Variants in CLMN observed in about 807,000 individuals in gnomAD.
CLMN encodes the protein calmin (calponin-like, transmembrane).
In CLMN, 57 loss-of-function variants were observed where a neutral mutation model predicts 92.7. That is an observed-to-expected ratio of 0.61 (90% CI 0.50 to 0.77). The LOEUF (loss-of-function observed/expected upper bound fraction) is 0.77, where lower values mean the gene tolerates loss of function less well. CLMN is among the 30% of genes least tolerant of loss of function. CLMN has a pLI of 0.00. For missense variants in CLMN, 1,158 were observed against 1,237.5 expected (o/e 0.94, Z 0.96); for synonymous variants, 466 against 470.6 (o/e 0.99, Z 0.13).
intron 8 of CLMN, among the ~76,000 whole-genome samples, chr14:95,204,804 G>A (rs1404702898): frequency 1.3e-5 from 2 of 152,202 alleles, no homozygotes; most frequent in Non-Finnish European, 2.9e-5. Context: ...GAGATTGTCA[G>A]CCCCTTCATG....
In CLMN at chr14:95,241,514, C is replaced by T. The variant is rs141155807; in HGVS notation, c.83-11381G>A. 2.6e-5 allele frequency among the ~76,000 whole-genome samples: 4 copies of T among 152,326 alleles called. No individual in the cohort carries two copies. The East Asian group carries it at 7.7e-4, about 29-fold the overall frequency. On this transcript the variant is annotated intron_variant, in intron 1 of 12. Coordinates refer to ENST00000298912, the MANE Select transcript of CLMN (RefSeq NM_024734.4). ...CAGAAATTCCCATTTGCAACTTCTA[C>T]CTGCCAACAAAAAGTGACAACAGCA...
chr14:95,201,614 A>T (rs1896885669), intron 9 of CLMN, among the ~76,000 whole-genome samples: 1 of 146,794 alleles, frequency 6.8e-6, no homozygotes, highest in Non-Finnish European at 1.5e-5. Context: ...ACACGTACAG[A>T]GTGTGCAGGT....
chr14:95,266,280 A>G (rs960680579), intron 1 of CLMN, among the ~76,000 whole-genome samples: 1 of 152,200 alleles, frequency 6.6e-6, no homozygotes, highest in Admixed American at 6.5e-5. Context: ...TTTAAATATA[A>G]AACAACATAA....
At chr14:95,290,865 A>G (rs926136846) in intron 1 of CLMN, among the ~76,000 whole-genome samples, 2 of 152,160 alleles carry the variant, frequency 1.3e-5, no homozygotes, top group Non-Finnish European at 2.9e-5. Flanking sequence ...TAGGTGCTCA[A>G]TGAATGCTGG....
chr14:95,286,469 G>T (rs1054491117), intron 1 of CLMN, among the ~76,000 whole-genome samples: 1 of 152,192 alleles, frequency 6.6e-6, no homozygotes, highest in African/African-American at 2.4e-5. Flanking sequence ...GTTTCCAGGA[G>T]ATAGAGGGAT....
chr14:95,279,180 G>T (rs891933820), intron 1 of CLMN, among the ~76,000 whole-genome samples: 1 of 152,114 alleles, frequency 6.6e-6, no homozygotes, highest in Non-Finnish European at 1.5e-5. Flanking sequence ...ATACCTTTTA[G>T]TTCGTGTCAC....
chr14:95,252,016 G>A (rs896531741), intron 1 of CLMN, among the ~76,000 whole-genome samples: 7 of 152,180 alleles, frequency 4.6e-5, no homozygotes, highest in African/African-American at 9.7e-5. Context: ...CTTCCCTGCA[G>A]ACCACTTTAT....
chr14:95,214,463 A>C (rs903953074), intron 5 of CLMN, among the ~76,000 whole-genome samples: 12 of 150,062 alleles, frequency 8.0e-5, no homozygotes, highest in African/African-American at 2.9e-4. Context: ...AATCCTCCAA[A>C]CTCAGCCTTC....
chr14:95,319,604 G>T (rs1901954247), intron 1 of CLMN, 107 bp downstream of exon 1: 2 of 907,724 alleles, frequency 2.2e-6, no homozygotes, highest in South Asian at 3.2e-5. Flanking sequence ...CAGGAACAAC[G>T]AGCGGCCGGC....
At chr14:95,197,142 G>A (rs948111128) in intron 9 of CLMN, among the ~76,000 whole-genome samples, 5 of 152,052 alleles carry the variant, frequency 3.3e-5, no homozygotes, top group Non-Finnish European at 5.9e-5. Flanking sequence ...CCAACTACTC[G>A]GGAGGTGGAG....
intron 1 of CLMN, among the ~76,000 whole-genome samples, chr14:95,306,747 A>C (rs1028050959): frequency 2.0e-5 from 3 of 152,224 alleles, no homozygotes; most frequent in Non-Finnish European, 4.4e-5. Flanking sequence ...AGCTCTGAAG[A>C]GCACTGACCT....
chr14:95,231,360 C>T (rs557222628), intron 1 of CLMN, among the ~76,000 whole-genome samples: 3 of 152,158 alleles, frequency 2.0e-5, no homozygotes, highest in Non-Finnish European at 1.5e-5. Flanking sequence ...CCATGCCTGG[C>T]TAATTTTTGT....
chr14:95,247,132 G>A (rs1004419668), intron 1 of CLMN, among the ~76,000 whole-genome samples: 3 of 152,098 alleles, frequency 2.0e-5, no homozygotes, highest in African/African-American at 7.2e-5. Flanking sequence ...CCAGCCCAAG[G>A]GGCCTTCTGA....
chr14:95,249,410 T>C (rs28657896), intron 1 of CLMN, among the ~76,000 whole-genome samples: 22,888 of 152,108 alleles, frequency 0.15, 2,939 homozygotes, highest in African/African-American at 0.34. Flanking sequence ...TGCAATAACA[T>C]AATGAAACTT....
At chr14:95,273,853 A>C (rs1232643253) in intron 1 of CLMN, among the ~76,000 whole-genome samples, 1 of 152,124 alleles carries the variant, frequency 6.6e-6, no homozygotes, top group African/African-American at 2.4e-5. Flanking sequence ...CCCAAAGCCA[A>C]TCCTATAGAT....
chr14:95,226,532 G>A (rs1041498904), intron 2 of CLMN, among the ~76,000 whole-genome samples: 7 of 151,988 alleles, frequency 4.6e-5, no homozygotes, highest in Non-Finnish European at 7.4e-5. Flanking sequence ...CCTTTTAATC[G>A]CAACAGAATC....
At chr14:95,317,489 T>C in intron 1 of CLMN, among the ~76,000 whole-genome samples, 1 of 151,042 alleles carries the variant, frequency 6.6e-6, no homozygotes, top group East Asian at 1.9e-4. Context: ...CCTCAACAGG[T>C]GAATGAATCA....
chr14:95,319,085 T>TG (rs1286639900), intron 1 of CLMN, among the ~76,000 whole-genome samples: 2 of 152,034 alleles, frequency 1.3e-5, no homozygotes, highest in Non-Finnish European at 2.9e-5. Flanking sequence ...GGGGCCAGCG[T>TG]GGGGGAAGGG....
intron 1 of CLMN, among the ~76,000 whole-genome samples, chr14:95,281,182 T>C (rs897885284): frequency 2.6e-5 from 4 of 152,210 alleles, no homozygotes; most frequent in Admixed American, 2.6e-4. Flanking sequence ...TGAGAAACAT[T>C]TATCCAACTC....
Sources: allele counts gnomAD v4.1 joint callset (sites outside exome capture counted in the v4.1 genomes callset), GRCh38; gene constraint gnomAD v4.1.1; transcripts MANE v1.5; gene names NCBI Gene and HGNC (gene_info 2026-07-23, HGNC 2026-07-21).